Variants in UTRN observed in about 807,000 individuals in gnomAD.
UTRN encodes the protein utrophin, also known as dystrophin-related protein 1.
A neutral mutation model predicts 463.9 loss-of-function variants in UTRN; 283 were observed. That is an observed-to-expected ratio of 0.61 (90% CI 0.55 to 0.67). The LOEUF is 0.67. Among genes scored for constraint, UTRN ranks in the 30% least tolerant of loss-of-function variants. UTRN has a pLI of 0.00. For synonymous variants in UTRN, 1,442 were observed against 1,431.5 expected, an observed-to-expected ratio of 1.01 and a Z score of -0.17; for missense variants, 3,922 against 4,084.3, an observed-to-expected ratio of 0.96 and a Z score of 1.08.
chr6:144,522,130 G>A lies in UTRN; in HGVS notation c.5692G>A (p.Ala1898Thr). ...GCTTAATGTTCCAGAGCTCAACACTGCTATTTACGAAGACTTCTCTTTTCA... is the reference window on the plus strand; with the variant it reads ...GCTTAATGTTCCAGAGCTCAACACTACTATTTACGAAGACTTCTCTTTTCA... ...LSLNVPELNT[A>T]IYEDFSFQED... Residue 1898 changes from alanine (A) to threonine (T), a missense_variant, in exon 40 of 75, where the codon GCT becomes ACT. Ala to Thr is a moderately conservative substitution (Grantham distance 58). Coordinates refer to ENST00000367545, the MANE Select transcript of UTRN (RefSeq NM_007124.3). 6.4e-7 allele frequency: 1 copy of A among 1,560,826 alleles called. No homozygotes were observed.
chr6:144,346,592 G>A (rs1490381489), intron 2 of UTRN, among the ~76,000 whole-genome samples: 1 of 152,096 alleles, frequency 6.6e-6, no homozygotes, highest in Non-Finnish European at 1.5e-5. Flanking sequence ...AGCCCGAGGC[G>A]GGCAGATCAC....
chr6:144,445,351 C>CAAA (rs11419379), intron 14 of UTRN, among the ~76,000 whole-genome samples: 9,049 of 106,262 alleles, frequency 0.085, 530 homozygotes, highest in Admixed American at 0.14. Flanking sequence ...GACTCCCTCT[C>CAAA]AAAAAAAAAA....
At chr6:144,359,728 T>C (rs952352670) in intron 2 of UTRN, among the ~76,000 whole-genome samples, 15 of 152,008 alleles carry the variant, frequency 9.9e-5, no homozygotes, top group Admixed American at 9.2e-4. Context: ...TCGTTTTTTT[T>C]TTTTTTCTTT....
intron 2 of UTRN, among the ~76,000 whole-genome samples, chr6:144,324,131 A>C (rs534027012): frequency 5.3e-5 from 8 of 152,118 alleles, no homozygotes; most frequent in African/African-American, 1.9e-4. Context: ...TTTTTATTTC[A>C]TTGTTAATAT....
Position 144,555,460 on chromosome 6 carries a change from T to A in UTRN, c.7134+567T>A, listed in dbSNP as rs908485025. Reference sequence around the variant, plus strand: ...TTTTATTTATTTATTGGAGACATTGTCTCACTCTGCCGCCCAGGCTGGAAT... The same window carrying A: ...TTTTATTTATTTATTGGAGACATTGACTCACTCTGCCGCCCAGGCTGGAAT... On this transcript the variant is annotated intron_variant, in intron 49 of 74. Transcript: ENST00000367545. Among the ~76,000 whole-genome samples the A allele has an allele frequency of 8.8e-4, 134 of 152,156 alleles. 1 individual carries two copies. The highest frequency in any genetic ancestry group is 1.0e-4 in the Non-Finnish European group (7 of 68,024).
intron 43 of UTRN, among the ~76,000 whole-genome samples, chr6:144,535,051 G>A (rs1797405258): frequency 6.6e-6 from 1 of 152,166 alleles, no homozygotes; most frequent in African/African-American, 2.4e-5. Context: ...TTTGCATGGA[G>A]GGTCTTAGCT....
At chr6:144,766,549 C>T (rs987770503) in intron 58 of UTRN, among the ~76,000 whole-genome samples, 6 of 152,040 alleles carry the variant, frequency 3.9e-5, no homozygotes, top group East Asian at 1.9e-4. Flanking sequence ...CAGTGTTTGT[C>T]GTCTCTTATT....
At position 144,548,780 on chromosome 6, in the gene UTRN, G is replaced by A. The variant is rs536139781; in HGVS notation, c.6736G>A (p.Asp2246Asn). The change falls in exon 47 of 75, where the codon GAC (aspartate) becomes AAC (asparagine). Residue 2246 changes from aspartate (D) to asparagine (N), a missense_variant. By Grantham distance (23) the Asp-to-Asn change is conservative (BLOSUM62 1). Around this residue, in one of 3 missense-constraint regions of UTRN, gnomAD observed 1,309 missense variants for 1,452.6 expected, o/e 0.90. Transcript: ENST00000367545. ...TELADWLVLI[D>N]QMLKSNIVTV... is the part of the protein sequence containing the mutation. ...ACTAGCCGACTGGCTGGTATTAATC[G>A]ACCAGATGCTGAAGTCCAACATTGT... The A allele has an allele frequency of 7.4e-6, 12 of 1,613,926 alleles. No homozygotes were observed. The South Asian group carries it at 1.2e-4, about 16-fold the overall frequency.
chr6:144,808,522 AGT>A (rs576537629), intron 65 of UTRN, among the ~76,000 whole-genome samples: 21 of 152,244 alleles, frequency 1.4e-4, no homozygotes, highest in African/African-American at 5.1e-4. Context: ...TATAAAAGAT[AGT>A]GTGTGGTTTT....
intron 65 of UTRN, among the ~76,000 whole-genome samples, chr6:144,818,892 G>GTT (rs760333445): frequency 2.7e-5 from 4 of 146,622 alleles, no homozygotes; most frequent in Non-Finnish European, 4.6e-5. Context: ...ACAATCTGTT[G>GTT]TTTTTTTTTT....
At chr6:144,309,836 C>T (rs1418877168) in intron 2 of UTRN, among the ~76,000 whole-genome samples, 1 of 152,342 alleles carries the variant, frequency 6.6e-6, no homozygotes, top group East Asian at 1.9e-4. Flanking sequence ...CCCTGTTTAT[C>T]CTGCCTGGCT....
chr6:144,529,937 A>G (rs115685621), intron 41 of UTRN, among the ~76,000 whole-genome samples: 116 of 152,306 alleles, frequency 7.6e-4, no homozygotes, highest in African/African-American at 2.7e-3. Flanking sequence ...TATTTCATGT[A>G]TCCTGAATAT....
At chr6:144,419,724 C>T (rs991221956) in intron 3 of UTRN, among the ~76,000 whole-genome samples, 1 of 152,176 alleles carries the variant, frequency 6.6e-6, no homozygotes, top group Non-Finnish European at 1.5e-5. Flanking sequence ...GGGTCAGCTC[C>T]TGTCTGAAGC....
chr6:144,799,474 G>A (rs1288488088), intron 64 of UTRN: 2 of 471,606 alleles, frequency 4.2e-6, no homozygotes, highest in Non-Finnish European at 8.8e-6. Flanking sequence ...AAGAAGAATG[G>A]TAAAGTCACA....
intron 53 of UTRN, among the ~76,000 whole-genome samples, chr6:144,717,634 CT>C (rs869170852): frequency 7.7e-4 from 54 of 70,130 alleles, no homozygotes; most frequent in East Asian, 3.1e-3. Context: ...TTTCTTTTTT[CT>C]TTTTTTTTTT....
chr6:144,706,871 T>C (rs1288909000), intron 53 of UTRN: 1 of 152,164 alleles, frequency 6.6e-6, no homozygotes, highest in Non-Finnish European at 1.5e-5. Context: ...GAAAACCCAG[T>C]GTATTTTCTA....
chr6:144,464,689 G>T (rs1256614698), intron 23 of UTRN, among the ~76,000 whole-genome samples: 8 of 151,986 alleles, frequency 5.3e-5, no homozygotes, highest in Non-Finnish European at 1.2e-4. Context: ...TAGTAGAGAT[G>T]AGGTTTTACC....
intron 64 of UTRN, 27 bp from the exon 65 acceptor site, chr6:144,803,009 C>A: frequency 6.8e-7 from 1 of 1,463,160 alleles, no homozygotes; most frequent in Non-Finnish European, 9.1e-7. Context: ...TAATGCAAGC[C>A]AATAAATTTT....
rs572032397 is a variant in UTRN, at chr6:144,339,403, G to A, written c.79+47496G>A. Among the ~76,000 whole-genome samples the A allele has an allele frequency of 3.4e-4, 51 of 152,182 alleles. No homozygotes were observed. The East Asian group carries it at 3.7e-3, about 11-fold the overall frequency. ...TTGAATTGTAGACCAGAAAAAGGGG[G>A]CAATTGCAGAAATTTGAAAAAGACC... On this transcript the variant is annotated intron_variant, in intron 2 of 74. Transcript: ENST00000367545.
Sources: allele counts gnomAD v4.1 joint callset (sites outside exome capture counted in the v4.1 genomes callset), GRCh38; gene constraint gnomAD v4.1.1; regional missense constraint gnomAD v4.1.1; transcripts MANE v1.5; gene names NCBI Gene and HGNC (gene_info 2026-07-23, HGNC 2026-07-21).